NIN: variants seen among roughly 807,000 people sequenced by gnomAD.
The protein encoded by NIN is ninein, also known as glycogen synthase kinase 3 beta-interacting protein.
Under a neutral mutation model 257.6 loss-of-function variants are expected in NIN, and 137 were observed. The ratio of observed to expected loss-of-function variants is 0.53; its 90% CI spans 0.46 to 0.61. The LOEUF is 0.61. Ranked by LOEUF, NIN falls within the 20% of genes least tolerant of loss-of-function variation. The pLI is 0.00. For synonymous variants in NIN, 918 were observed against 919.8 expected (o/e 1.00, Z 0.04); for missense variants, 2,439 against 2,501.2 (o/e 0.98, Z 0.53).
rs139443854 is a variant in NIN, at chr14:50,729,541, G to C, written c.6060C>G (p.Ser2020=). ...HLQEELENRT[S]ETNTPQGNQE... is the part of the protein sequence containing the mutation. ...TTCATACCTGTGGTGTGTTGGTTTC[G>C]GAGGTCCTGTTTTCAAGTTCCTCCT... Residue 2020 remains serine (S), a synonymous_variant, in exon 29 of 31, where the codon TCC becomes TCG. Coordinates refer to ENST00000530997, the MANE Select transcript of NIN (RefSeq NM_020921.4). 1.2e-6 allele frequency: 2 copies of C among 1,613,860 alleles called. No homozygotes were observed. The highest frequency in any genetic ancestry group is 8.5e-7 in the Non-Finnish European group (1 of 1,179,892).
In NIN at chr14:50,758,128, G is replaced by A. The variant is rs766219363; in HGVS notation, c.2902C>T (p.Arg968Trp). ...TGTTCCATTTCTAGTCTTTCCAGCC[G>A]CTGGCTGGCCAGCTGCTCCGAAGCC... is the stretch of plus-strand genomic sequence containing the variant. ...AGASEQLASQ[R>W]LERLEMEHDQ... Residue 968 changes from arginine (R) to tryptophan (W), a missense_variant, in exon 18 of 31, where the codon CGG becomes TGG. Around this residue, in one of 3 missense-constraint regions of NIN, gnomAD observed 2,043 missense variants for 2,050.2 expected, o/e 1.00. Coordinates refer to ENST00000530997, the MANE Select transcript of NIN (RefSeq NM_020921.4). The A allele has an allele frequency of 6.2e-6, 10 of 1,613,972 alleles. No individual in the cohort carries two copies. The highest frequency in any genetic ancestry group is 1.1e-5 in the South Asian group (1 of 91,078).
In NIN at chr14:50,723,388, TTTAAG is replaced by T. The variant is rs2040306499; in HGVS notation, c.*70_*74del. On this transcript the variant is annotated 3_prime_UTR_variant, in exon 31 of 31. Coordinates refer to ENST00000530997, the MANE Select transcript of NIN (RefSeq NM_020921.4). ...CTGGCAGTTTTAGGTTAGGCTTAAT[TTTAAG>T]TTGAGAACCTACTGAAATGTTCATC... 3.0e-6 allele frequency: 4 copies of T among 1,334,746 alleles called. No homozygotes were observed. Among genetic ancestry groups the T allele is most frequent in the Non-Finnish European group, 4.2e-6 (4 of 954,416 alleles). 82.7% of individuals were successfully genotyped at this position (1,334,746 alleles called of 1,614,324 possible).
intron 2 of NIN, among the ~76,000 whole-genome samples, chr14:50,824,843 T>C (rs968200117): frequency 1.3e-5 from 2 of 152,208 alleles, no homozygotes; most frequent in African/African-American, 4.8e-5. Context: ...CATCCCACCC[T>C]TTCTCAAAGG....
In NIN at chr14:50,739,292, C is replaced by T. The variant is rs1361900514; in HGVS notation, c.5628+16G>A. ...ATTTTCAAACATATGCCATGATGTG[C>T]AGCTTCTCCAATTACCTTCTCCCGG... On this transcript the variant is annotated intron_variant, in intron 26 of 30. Transcript: ENST00000530997. 4 of 1,611,482 alleles carry T rather than the reference C, an allele frequency of 2.5e-6. No individual in the cohort carries two copies. Among genetic ancestry groups the T allele is most frequent in the Non-Finnish European group, 3.4e-6 (4 of 1,178,226 alleles).
intron 29 of NIN, among the ~76,000 whole-genome samples, chr14:50,726,867 A>G (rs951943259): frequency 1.3e-5 from 2 of 152,222 alleles, no homozygotes; most frequent in African/African-American, 4.8e-5. Context: ...AGCTGATGGT[A>G]GTTAAGATAT....
chr14:50,788,070 G>A (rs1302266115), intron 5 of NIN, among the ~76,000 whole-genome samples: 3 of 152,142 alleles, frequency 2.0e-5, no homozygotes, highest in African/African-American at 7.2e-5. Context: ...CATCATAGAT[G>A]TAAACATGTA....
chr14:50,807,495 A>C (rs931566575), intron 3 of NIN, among the ~76,000 whole-genome samples: 3 of 152,248 alleles, frequency 2.0e-5, no homozygotes, highest in Non-Finnish European at 2.9e-5. Context: ...AAAAGGTAAA[A>C]GCATTTTCTT....
Position 50,766,545 on chromosome 14 carries a change from G to T in NIN, c.1546-149C>A, listed in dbSNP as rs193004866. ...GCACGAACAACACCAACTGGGTGATGGGGAGAACGCACTAGAGTGACGTGT... is the reference window on the plus strand; with the variant it reads ...GCACGAACAACACCAACTGGGTGATTGGGAGAACGCACTAGAGTGACGTGT... On this transcript the variant is annotated intron_variant, in intron 13 of 30. Transcript: ENST00000530997. 1.8e-5 allele frequency: 13 copies of T among 724,102 alleles called. No individual in the cohort carries two copies. The East Asian group carries it at 2.9e-4, about 16-fold the overall frequency. The allele number at this position is 724,102 out of a possible 1,614,324, so 44.9% of individuals were successfully genotyped here.
chr14:50,780,350 T>A (rs1304827495), intron 5 of NIN, among the ~76,000 whole-genome samples: 1 of 152,232 alleles, frequency 6.6e-6, no homozygotes, highest in Non-Finnish European at 1.5e-5. Context: ...TCTGGGTAGC[T>A]GACCTGTACA....
chr14:50,752,382 C>T, intron 21 of NIN, 136 bp downstream of exon 21: 3 of 641,650 alleles, frequency 4.7e-6, no homozygotes, highest in Non-Finnish European at 8.1e-6. Flanking sequence ...TTCCACTTAC[C>T]TACTTATCTA....
At chr14:50,829,575 A>C (rs1333093316) in intron 2 of NIN, among the ~76,000 whole-genome samples, 1 of 152,190 alleles carries the variant, frequency 6.6e-6, no homozygotes, top group Non-Finnish European at 1.5e-5. Context: ...GTTTCGATGT[A>C]ATAAATTCAG....
At chr14:50,724,594 C>T (rs144976067) in intron 30 of NIN, among the ~76,000 whole-genome samples, 3 of 152,220 alleles carry the variant, frequency 2.0e-5, no homozygotes, top group Admixed American at 6.5e-5. Context: ...TCTTCATTGC[C>T]GACAGAATAA....
chr14:50,738,315 A>G lies in NIN; in HGVS notation c.5629-29T>C, dbSNP rs756219520. 18 of 1,600,722 alleles carry G rather than the reference A, an allele frequency of 1.1e-5. No individual in the cohort carries two copies. The East Asian group carries it at 1.3e-4, about 12-fold the overall frequency. ...ACAGGAACAAATGTAAGAGGAAAAAATGCTAATACAATCACCCAGCCAGCA... is the reference window on the plus strand; with the variant it reads ...ACAGGAACAAATGTAAGAGGAAAAAGTGCTAATACAATCACCCAGCCAGCA... On this transcript the variant is annotated intron_variant, in intron 26 of 30. Coordinates refer to ENST00000530997, the MANE Select transcript of NIN (RefSeq NM_020921.4).
At position 50,724,410 on chromosome 14, in the gene NIN, C is replaced by T. The variant is rs2040337791; in HGVS notation, c.6193-738G>A. The T allele has an allele frequency of 1.4e-5, 3 of 221,644 alleles. No homozygotes were observed. The East Asian group carries it at 2.0e-4, about 14-fold the overall frequency. 13.7% of individuals were successfully genotyped at this position (221,644 alleles called of 1,614,324 possible). ...GAGTAACTAAAGAGTAGCTTAACAA[C>T]CTATTAGCATTTCAAAGGGCAGGGA... On this transcript the variant is annotated intron_variant, in intron 30 of 30. Transcript: ENST00000530997.
intron 28 of NIN, among the ~76,000 whole-genome samples, chr14:50,734,495 C>G (rs2040878122): frequency 6.6e-6 from 1 of 152,168 alleles, no homozygotes; most frequent in Admixed American, 6.5e-5. Context: ...TTACATAAGT[C>G]TTATAGTTCA....
chr14:50,735,468 TG>T, intron 28 of NIN, 47 bp downstream of exon 28: 1 of 1,593,632 alleles, frequency 6.3e-7, no homozygotes. Flanking sequence ...ACCTCATTCA[TG>T]GATTAACATA....
chr14:50,753,742 T>A (rs1324476332), intron 20 of NIN, among the ~76,000 whole-genome samples: 1 of 152,214 alleles, frequency 6.6e-6, no homozygotes, highest in African/African-American at 2.4e-5. Flanking sequence ...CAACAATGCA[T>A]GGGCACAGTC....
intron 5 of NIN, among the ~76,000 whole-genome samples, chr14:50,779,456 C>A (rs1319604824): frequency 6.6e-6 from 1 of 152,132 alleles, no homozygotes; most frequent in Non-Finnish European, 1.5e-5. Flanking sequence ...CTGCAGAGAG[C>A]CAAATGAAAA....
intron 6 of NIN, among the ~76,000 whole-genome samples, chr14:50,778,195 T>C (rs1566837777): frequency 1.3e-5 from 2 of 152,214 alleles, no homozygotes; most frequent in African/African-American, 2.4e-5. Context: ...TTTTTATTTT[T>C]TGAGACAGAG....
Sources: gnomAD v4.1 joint callset for allele counts (sites outside exome capture counted in the v4.1 genomes callset) on GRCh38, gnomAD v4.1.1 for gene constraint, gnomAD v4.1.1 regional missense constraint, MANE v1.5 for transcripts, NCBI Gene and HGNC (gene_info 2026-07-23, HGNC 2026-07-21) for gene names.